CUL9: variants seen among roughly 807,000 people sequenced by gnomAD.
CUL9 encodes the protein cullin 9.
In CUL9, 79 loss-of-function variants were observed where a neutral mutation model predicts 272.6. The observed-to-expected ratio is 0.29, with a 90% confidence interval of 0.24 to 0.35. The LOEUF is 0.35. Ranked by LOEUF, CUL9 falls within the 10% of genes least tolerant of loss-of-function variation. CUL9 has a pLI of 1.00. For missense variants in CUL9, 2,532 were observed against 3,255.6 expected (o/e 0.78, Z 5.41); for synonymous variants, 1,186 against 1,286.5 (o/e 0.92, Z 1.67).
intron 31 of CUL9, among the ~76,000 whole-genome samples, chr6:43,217,462 A>C (rs2150635262): frequency 6.6e-6 from 1 of 152,188 alleles, no homozygotes; most frequent in East Asian, 1.9e-4. Flanking sequence ...TGAGGTACAG[A>C]GAACCTGGAG....
intron 8 of CUL9, among the ~76,000 whole-genome samples, chr6:43,191,294 G>A (rs865946508): frequency 3.5e-5 from 5 of 143,890 alleles, no homozygotes; most frequent in African/African-American, 1.1e-4. Flanking sequence ...GTGTGTGTGC[G>A]TGTTGTTTTT....
intron 24 of CUL9, 32 bp from the exon 25 acceptor site, chr6:43,205,975 C>T: frequency 6.2e-7 from 1 of 1,601,262 alleles, no homozygotes; most frequent in Non-Finnish European, 8.5e-7. Flanking sequence ...GGCACCCACA[C>T]TGAGGCTTGG....
At position 43,186,603 on chromosome 6, in the gene CUL9, G is replaced by T. The variant is rs528803813; in HGVS notation, c.1251+148G>T. ...TACAAGGGGGTTGGCATTTGTGCGG[G>T]GTGCATTTGGAGGGCTGAGAAAATC... On this transcript the variant is annotated intron_variant, in intron 4 of 40. Transcript: ENST00000252050. The T allele has an allele frequency of 4.8e-6, 6 of 1,251,892 alleles. No individual in the cohort carries two copies. In the African/African-American group the frequency reaches 7.6e-5, roughly 16 times the overall value. 77.5% of individuals were successfully genotyped at this position (1,251,892 alleles called of 1,614,324 possible).
At position 43,196,676 on chromosome 6, in the gene CUL9, C is replaced by T. The variant is rs765745493; in HGVS notation, c.2617C>T (p.Leu873=). 29 of 1,614,096 alleles carry T rather than the reference C, an allele frequency of 1.8e-5. No individual in the cohort carries two copies. The South Asian group carries it at 3.0e-4, about 16-fold the overall frequency. The part of the protein sequence containing the change: ...CSSAARNGLL[L]LNLLLCNHHT... ...TTCTGCAGCGAGAAATGGCTTACTC[C>T]TGCTCAACCTACTTTTGTGCAACCA... is the stretch of plus-strand genomic sequence containing the variant. Residue 873 remains leucine, a synonymous_variant, in exon 11 of 41, where the codon CTG becomes TTG. Transcript: ENST00000252050.
intron 20 of CUL9, 90 bp downstream of exon 20, chr6:43,204,077 C>T: frequency 1.4e-6 from 2 of 1,479,424 alleles, no homozygotes; most frequent in African/African-American, 1.4e-5. Context: ...TCTTTTGGTT[C>T]CTGTCTTTAT....
chr6:43,205,887 A>T (rs1402803579), intron 24 of CUL9, 120 bp from the exon 25 acceptor site: 1 of 768,742 alleles, frequency 1.3e-6, no homozygotes, highest in Non-Finnish European at 2.1e-6. Context: ...AGTGGGAAAG[A>T]AGAGGTGAGG....
intron 8 of CUL9, 30 bp downstream of exon 8, chr6:43,188,745 G>A (rs1481590550): frequency 1.3e-6 from 2 of 1,543,080 alleles, no homozygotes; most frequent in East Asian, 2.3e-5. Flanking sequence ...AAGAGGTTTT[G>A]GTTGAAGCTG....
In CUL9 at chr6:43,196,849, C is replaced by T. The variant is rs1459478839; in HGVS notation, c.2790C>T (p.Ser930=). The change falls in exon 11 of 41, where the codon AGC becomes AGT. Residue 930 remains serine, a synonymous_variant. Coordinates refer to ENST00000252050, the MANE Select transcript of CUL9 (RefSeq NM_015089.4). The stretch of plus-strand genomic sequence containing the variant: ...ATCGCTACTCAGAGCCGCCGGGCAG[C>T]CCTGAGCGTGCAGGTACCATTGTGG... The part of the protein sequence containing the change: ...LLNRYSEPPG[S]PERAALETPI... 6.2e-7 allele frequency: 1 copy of T among 1,614,014 alleles called. No individual in the cohort carries two copies. The highest frequency in any genetic ancestry group is 1.7e-5 in the Admixed American group (1 of 60,012).
intron 11 of CUL9, chr6:43,198,277 G>A: frequency 1.0e-6 from 1 of 984,776 alleles, no homozygotes; most frequent in Non-Finnish European, 1.2e-6. Flanking sequence ...TTTAGTCTGT[G>A]TACCTAAAGC....
Position 43,188,710 on chromosome 6 carries a change from G to T in CUL9, c.2175G>T (p.Ser725=). 1 of 1,607,344 alleles carries T rather than the reference G, an allele frequency of 6.2e-7. No homozygotes were observed. Among genetic ancestry groups the T allele is most frequent in the East Asian group, 2.2e-5 (1 of 44,782 alleles). ...ACCCTCTGGTCCGTCCTGACAGATC[G>T]CTGAGGTTAGCATACTGGGGAGGGA... ...RDHPLVRPDR[S]LREKLVKMLV... Residue 725 remains serine (S), a synonymous_variant, in exon 8 of 41, where the codon TCG becomes TCT. Transcript: ENST00000252050.
chr6:43,220,999 G>A lies in CUL9; in HGVS notation c.6588+88G>A, dbSNP rs115770130. 1,334 of 1,488,486 alleles carry A rather than the reference G, an allele frequency of 9.0e-4. 4 individuals carry two copies. In the African/African-American group the frequency reaches 0.015, roughly 17 times the overall value. The allele number at this position is 1,488,486 out of a possible 1,614,324, so 92.2% of individuals were successfully genotyped here. ...CCCCACCCCGCCACACACACAGACT[G>A]TGACTTGTCCTTCCTCAGCCTCTGC... On this transcript the variant is annotated intron_variant, in intron 33 of 40. Coordinates refer to ENST00000252050, the MANE Select transcript of CUL9 (RefSeq NM_015089.4). The surrounding 1 kb of genome is among the most constrained non-coding windows in gnomAD (Gnocchi z 4.9).
chr6:43,191,165 C>A (rs2150535437), intron 8 of CUL9, among the ~76,000 whole-genome samples: 1 of 150,116 alleles, frequency 6.7e-6, no homozygotes, highest in East Asian at 1.9e-4. Context: ...TTTAAAAATT[C>A]ATTTGCAGTT....
intron 26 of CUL9, among the ~76,000 whole-genome samples, chr6:43,208,439 C>T (rs1036832914): frequency 5.2e-4 from 79 of 152,188 alleles, no homozygotes; most frequent in Non-Finnish European, 1.8e-4. Flanking sequence ...CTCCTGGCCT[C>T]AGGTGGTCCA....
intron 17 of CUL9, 67 bp downstream of exon 17, chr6:43,202,888 A>G: frequency 6.8e-7 from 1 of 1,460,802 alleles, no homozygotes; most frequent in Non-Finnish European, 9.6e-7. Flanking sequence ...GCCTGTGGGA[A>G]GGACCTAGTC....
rs748202367 is a variant in CUL9, at chr6:43,224,202, G to A, written c.7358+34G>A. The A allele has an allele frequency of 6.2e-7, 1 of 1,614,188 alleles. No individual in the cohort carries two copies. Among genetic ancestry groups the A allele is most frequent in the South Asian group, 1.1e-5 (1 of 91,090 alleles). On this transcript the variant is annotated intron_variant, in intron 40 of 40. Coordinates refer to ENST00000252050, the MANE Select transcript of CUL9 (RefSeq NM_015089.4). The surrounding 1 kb of genome is among the most constrained non-coding windows in gnomAD (Gnocchi z 4.2). The stretch of plus-strand genomic sequence containing the variant: ...GGTGGGCAGAGCCATGGAGGAGGCA[G>A]TGGGACATGGCAGCCTCCTCTGGGC...
Position 43,184,664 on chromosome 6 carries a change from T to C in CUL9, c.354T>C (p.Asp118=), listed in dbSNP as rs1407202794. 1 of 1,611,568 alleles carries C rather than the reference T, an allele frequency of 6.2e-7. No homozygotes were observed. Among genetic ancestry groups the C allele is most frequent in the African/African-American group, 1.3e-5 (1 of 74,902 alleles). Residue 118 remains aspartate (D), a synonymous_variant, in exon 2 of 41, where the codon GAT becomes GAC. Transcript: ENST00000252050. The surrounding 1 kb of genome is among the most constrained non-coding windows in gnomAD (Gnocchi z 4.8). ...TGGCAATGGGAGAGATGGAGGCTGA[T>C]GTTCAGGCGCTGGTACGCAGGGCGG... ...DEVAMGEMEA[D]VQALVRRAAR... is the part of the protein sequence containing the mutation.
chr6:43,212,413 T>A (rs1462638226), intron 26 of CUL9, among the ~76,000 whole-genome samples: 3 of 152,208 alleles, frequency 2.0e-5, no homozygotes, highest in African/African-American at 7.2e-5. Context: ...TCCTTCTTCA[T>A]GTATTAGCTG....
Position 43,216,242 on chromosome 6 carries a change from G to C in CUL9, c.6021G>C (p.Lys2007Asn), listed in dbSNP as rs1775920685. ...MSPQEVEGLMKQTVRQVQETL... is the reference protein window; with the variant it reads ...MSPQEVEGLMNQTVRQVQETL... ...CCCAGGAAGTAGAAGGGTTGATGAA[G>C]CAGACGGTGCGTCAGGTGCAGGAGA... Residue 2007 changes from lysine (K) to asparagine (N), a missense_variant, in exon 31 of 41, where the codon AAG becomes AAC. Physicochemically the swap from Lys to Asn is moderately conservative, Grantham distance 94. Around this residue, in one of 3 missense-constraint regions of CUL9, gnomAD observed 2,218 missense variants for 2,788.6 expected, o/e 0.80. Transcript: ENST00000252050. The C allele has an allele frequency of 6.2e-7, 1 of 1,613,692 alleles. No homozygotes were observed. The highest frequency in any genetic ancestry group is 1.3e-5 in the African/African-American group (1 of 74,936).
chr6:43,204,545 TCC>T lies in CUL9; in HGVS notation c.4339+8_4339+9del. ...TGAGCCATCCACTCGGCCCTGTAAGTCCCAGCTGTGGCCAGTGGAGCTGACTC... is the reference window on the plus strand; with the variant it reads ...TGAGCCATCCACTCGGCCCTGTAAGTCAGCTGTGGCCAGTGGAGCTGACTC... On this transcript the variant is annotated splice_region_variant and intron_variant, in intron 21 of 40. Transcript: ENST00000252050. 6.2e-7 allele frequency: 1 copy of T among 1,613,950 alleles called. No homozygotes were observed. Among genetic ancestry groups the T allele is most frequent in the Non-Finnish European group, 8.5e-7 (1 of 1,179,952 alleles).
Sources: gnomAD v4.1 joint callset for allele counts (sites outside exome capture counted in the v4.1 genomes callset) on GRCh38, gnomAD v4.1.1 for gene constraint, gnomAD v4.1.1 regional missense constraint, Gnocchi (gnomAD v3.1) non-coding constraint, MANE v1.5 for transcripts, NCBI Gene and HGNC (gene_info 2026-07-23, HGNC 2026-07-21) for gene names.